DAPK1: variants seen among roughly 807,000 people sequenced by gnomAD.
The protein encoded by DAPK1 is death-associated protein kinase 1.
DAPK1 carries 56 observed loss-of-function variants against 144.9 expected under a neutral mutation model. The ratio of observed to expected loss-of-function variants is 0.39; its 90% CI spans 0.31 to 0.48. The LOEUF is 0.48. Ranked by LOEUF, DAPK1 falls within the 20% of genes least tolerant of loss-of-function variation. The pLI is 0.95. For synonymous variants in DAPK1, 690 were observed against 749.0 expected (o/e 0.92, Z 1.29); for missense variants, 1,454 against 1,875.4 (o/e 0.78, Z 4.15).
intron 18 of DAPK1, among the ~76,000 whole-genome samples, chr9:87,664,745 A>T (rs1425346162): frequency 6.6e-6 from 1 of 152,156 alleles, no homozygotes; most frequent in Non-Finnish European, 1.5e-5. Flanking sequence ...GCCTGGTCAG[A>T]CGTAAGTGAG....
chr9:87,584,433 T>C (rs1827865107), intron 2 of DAPK1, among the ~76,000 whole-genome samples: 1 of 152,126 alleles, frequency 6.6e-6, no homozygotes, highest in African/African-American at 2.4e-5. Flanking sequence ...GACATCTCTT[T>C]GACATACTGA....
At chr9:87,545,299 GC>G (rs1826204353) in intron 2 of DAPK1, among the ~76,000 whole-genome samples, 1 of 152,178 alleles carries the variant, frequency 6.6e-6, no homozygotes, top group African/African-American at 2.4e-5. Context: ...TGAACCAACA[GC>G]TAAACTGTTG....
intron 2 of DAPK1, among the ~76,000 whole-genome samples, chr9:87,567,381 G>A (rs1387101328): frequency 6.6e-6 from 1 of 152,132 alleles, no homozygotes; most frequent in Non-Finnish European, 1.5e-5. Flanking sequence ...GATACAGGCT[G>A]TGGGGGAATG....
chr9:87,530,063 C>G (rs1320396103), intron 2 of DAPK1, among the ~76,000 whole-genome samples: 2 of 152,298 alleles, frequency 1.3e-5, no homozygotes, highest in Admixed American at 6.5e-5. Flanking sequence ...AAGTCCTCAA[C>G]GCAGTCCTGT....
At chr9:87,616,275 A>G (rs560504375) in intron 3 of DAPK1, among the ~76,000 whole-genome samples, 2 of 152,178 alleles carry the variant, frequency 1.3e-5, no homozygotes, top group African/African-American at 2.4e-5. Context: ...GCATGTGCCT[A>G]TATGCCCCTT....
At chr9:87,511,666 TTTTGTG>T (rs1170395934) in intron 2 of DAPK1, among the ~76,000 whole-genome samples, 1 of 110,588 alleles carries the variant, frequency 9.0e-6, no homozygotes, top group Non-Finnish European at 1.8e-5. Flanking sequence ...TTTCTTTTTC[TTTTGTG>T]TGTGTGTGTG....
chr9:87,527,190 C>T (rs1196304365), intron 2 of DAPK1, among the ~76,000 whole-genome samples: 1 of 147,470 alleles, frequency 6.8e-6, no homozygotes, highest in African/African-American at 2.5e-5. Context: ...ACTGTAAAAC[C>T]ACCCAAGGGT....
intron 2 of DAPK1, among the ~76,000 whole-genome samples, chr9:87,510,789 C>G (rs1382507362): frequency 6.6e-6 from 1 of 152,168 alleles, no homozygotes; most frequent in Non-Finnish European, 1.5e-5. Context: ...AACACATTAG[C>G]TGTTACTTTG....
intron 2 of DAPK1, among the ~76,000 whole-genome samples, chr9:87,504,785 C>A (rs866275874): frequency 6.6e-6 from 1 of 152,070 alleles, no homozygotes; most frequent in Non-Finnish European, 1.5e-5. Context: ...ATGTAATCTT[C>A]CCATATATCT....
In DAPK1 at chr9:87,572,123, A is replaced by C. The variant is rs372335993; in HGVS notation, c.63-32831A>C. Among the ~76,000 whole-genome samples the C allele has an allele frequency of 3.5e-3, 526 of 152,342 alleles. 4 individuals carry two copies. The highest frequency in any genetic ancestry group is 0.012 in the African/African-American group (509 of 41,568). ...TCAGTGGTTCTCTTGAGTTTTGGTA[A>C]ATCTAGACTGATGAATATAGCAGCT... On this transcript the variant is annotated intron_variant, in intron 2 of 25. Coordinates refer to ENST00000408954, the MANE Select transcript of DAPK1 (RefSeq NM_004938.4).
At chr9:87,533,177 A>G (rs900314944) in intron 2 of DAPK1, among the ~76,000 whole-genome samples, 1 of 152,230 alleles carries the variant, frequency 6.6e-6, no homozygotes, top group African/African-American at 2.4e-5. Flanking sequence ...ATATATACAC[A>G]TGCGTGTGTG....
chr9:87,631,546 T>C (rs1193146220), intron 3 of DAPK1, among the ~76,000 whole-genome samples: 1 of 152,202 alleles, frequency 6.6e-6, no homozygotes, highest in Non-Finnish European at 1.5e-5. Flanking sequence ...AAAGCCATAA[T>C]TTAAAACACT....
intron 2 of DAPK1, among the ~76,000 whole-genome samples, chr9:87,583,865 A>T (rs1332569571): frequency 6.6e-6 from 1 of 152,112 alleles, no homozygotes; most frequent in Non-Finnish European, 1.5e-5. Flanking sequence ...TCTTCAGTTC[A>T]TGGGGTTGGA....
rs150408747 is a variant in DAPK1, at chr9:87,572,753, G to A, written c.63-32201G>A. On this transcript the variant is annotated intron_variant, in intron 2 of 25. Transcript: ENST00000408954. ...CCATGCTTATACGGCCTGCAGAATC[G>A]TGAGCCAATTAAACTTCTTTTATTT... 2.3e-3 allele frequency among the ~76,000 whole-genome samples: 347 copies of A among 152,218 alleles called. 2 individuals carry two copies. The highest frequency in any genetic ancestry group is 7.5e-3 in the African/African-American group (311 of 41,534).
Position 87,605,149 on chromosome 9 carries a change from G to A in DAPK1, c.258G>A (p.Lys86=). The A allele has an allele frequency of 6.2e-7, 1 of 1,614,096 alleles. No individual in the cohort carries two copies. Among genetic ancestry groups the A allele is most frequent in the African/African-American group, 1.3e-5 (1 of 75,060 alleles). Residue 86 remains lysine, a synonymous_variant, in exon 3 of 26, where the codon AAG becomes AAA. Transcript: ENST00000408954. The part of the protein sequence containing the change: ...VITLHEVYEN[K]TDVILILELV... ...CCCTGCACGAGGTCTATGAGAACAA[G>A]ACGGACGTCATCCTGATCTTGGAAC... is the stretch of plus-strand genomic sequence containing the variant.
chr9:87,643,510 G>T, intron 11 of DAPK1, 42 bp downstream of exon 11: 1 of 1,240,860 alleles, frequency 8.1e-7, no homozygotes, highest in South Asian at 1.3e-5. Context: ...TCTTAGCACT[G>T]GGTACTCAGA....
chr9:87,569,868 T>G (rs1454390756), intron 2 of DAPK1, among the ~76,000 whole-genome samples: 3 of 152,258 alleles, frequency 2.0e-5, no homozygotes, highest in African/African-American at 7.2e-5. Flanking sequence ...AGAAAACAAC[T>G]TTCACTAAAT....
At chr9:87,699,957 C>G (rs1175298562) in intron 23 of DAPK1, among the ~76,000 whole-genome samples, 160 bp from the exon 24 acceptor site, 1 of 152,140 alleles carries the variant, frequency 6.6e-6, no homozygotes, top group Non-Finnish European at 1.5e-5. Context: ...TGTGATGAGG[C>G]AGAGCCCACC....
chr9:87,663,014 C>T (rs1830919075), intron 18 of DAPK1, among the ~76,000 whole-genome samples: 1 of 152,038 alleles, frequency 6.6e-6, no homozygotes, highest in Non-Finnish European at 1.5e-5. Flanking sequence ...TCCTCCTACC[C>T]TCCAGAAGCA....
Sources: allele counts gnomAD v4.1 joint callset (sites outside exome capture counted in the v4.1 genomes callset), GRCh38; gene constraint gnomAD v4.1.1; transcripts MANE v1.5; gene names NCBI Gene and HGNC (gene_info 2026-07-23, HGNC 2026-07-21).